Variants in SELENOI observed in about 807,000 individuals in gnomAD.
SELENOI encodes the protein selenoprotein I.
Under a neutral mutation model 50.7 loss-of-function variants are expected in SELENOI, and 24 were observed. The ratio of observed to expected loss-of-function variants is 0.47; its 90% confidence interval spans 0.34 to 0.67. The LOEUF (loss-of-function observed/expected upper bound fraction) is 0.67. Ranked by LOEUF, SELENOI falls within the 30% of genes least tolerant of loss-of-function variation. The pLI is 0.01. For synonymous variants in SELENOI, 155 were observed against 170.2 expected (o/e 0.91, Z 0.70); for missense variants, 352 against 461.4 (o/e 0.76, Z 2.17).
Position 26,392,832 on chromosome 2 carries a change from T to A in SELENOI, c.*3729T>A, listed in dbSNP as rs189017590. 1.3e-5 allele frequency: 2 copies of A among 152,348 alleles called. No individual in the cohort carries two copies. Among genetic ancestry groups the A allele is most frequent in the African/African-American group, 4.8e-5 (2 of 41,582 alleles). 9.4% of individuals were successfully genotyped at this position (152,348 alleles called of 1,614,324 possible). ...TTTGTGAAGTCAGACCAGAATTTTC[T>A]TTGTCCCATGAGGTGTCTTTGTAAG... On this transcript the variant is annotated 3_prime_UTR_variant, in exon 10 of 10. Coordinates refer to ENST00000260585, the MANE Select transcript of SELENOI (RefSeq NM_033505.4).
At chr2:26,387,314 C>T (rs1234658816) in intron 9 of SELENOI, among the ~76,000 whole-genome samples, 2 of 152,018 alleles carry the variant, frequency 1.3e-5, no homozygotes, top group East Asian at 3.8e-4. Flanking sequence ...TGCAATATTC[C>T]ACCAAGGAGA....
chr2:26,372,353 C>T (rs932179160), intron 4 of SELENOI, among the ~76,000 whole-genome samples: 8 of 152,362 alleles, frequency 5.3e-5, no homozygotes, highest in Admixed American at 5.2e-4. Context: ...TCAGGGGATC[C>T]TCCTGCCTTG....
intron 6 of SELENOI, among the ~76,000 whole-genome samples, chr2:26,378,148 T>A (rs937403041): frequency 6.6e-6 from 1 of 152,194 alleles, no homozygotes; most frequent in African/African-American, 2.4e-5. Flanking sequence ...AAGTCGATAC[T>A]GAGATTTTGG....
In SELENOI at chr2:26,364,307, T is replaced by G; in HGVS notation, c.63T>G (p.Ser21Arg). 1.3e-6 allele frequency: 2 copies of G among 1,552,194 alleles called. No homozygotes were observed. The highest frequency in any genetic ancestry group is 1.7e-6 in the Non-Finnish European group (2 of 1,143,684). Residue 21 changes from serine (S) to arginine (R), a missense_variant, in exon 2 of 10, where the codon AGT (serine) becomes AGG (arginine). Transcript: ENST00000260585. ...TTTCTTTCATTTCTTAACAGTACAG[T>G]GCTGTGGATACCAATCCACTTTCTC... is the stretch of plus-strand genomic sequence containing the variant. ...QLAGFDKYKY[S>R]AVDTNPLSLY... is the part of the protein sequence containing the mutation.
At chr2:26,378,415 T>A (rs1677613694) in intron 6 of SELENOI, among the ~76,000 whole-genome samples, 1 of 152,230 alleles carries the variant, frequency 6.6e-6, no homozygotes, top group African/African-American at 2.4e-5. Context: ...CTGTGGGGTC[T>A]CCGATTTGCT....
intron 6 of SELENOI, among the ~76,000 whole-genome samples, chr2:26,375,408 A>G (rs1357180266): frequency 6.6e-6 from 1 of 152,228 alleles, no homozygotes; most frequent in Non-Finnish European, 1.5e-5. Context: ...TAAAGTGACT[A>G]TTCAAATTAA....
chr2:26,348,215 T>G (rs1676852430), intron 1 of SELENOI, among the ~76,000 whole-genome samples: 1 of 152,246 alleles, frequency 6.6e-6, no homozygotes, highest in African/African-American at 2.4e-5. Flanking sequence ...TGTCTTCAGA[T>G]AGTAAGCGCT....
intron 9 of SELENOI, among the ~76,000 whole-genome samples, chr2:26,388,290 T>TACCAA (rs1262897677): frequency 6.6e-6 from 1 of 152,202 alleles, no homozygotes; most frequent in Non-Finnish European, 1.5e-5. Context: ...GCTACATACA[T>TACCAA]ACCAAACCAA....
intron 4 of SELENOI, among the ~76,000 whole-genome samples, chr2:26,370,330 A>C (rs2147953069): frequency 6.6e-6 from 1 of 151,648 alleles, no homozygotes; most frequent in Admixed American, 6.6e-5. Flanking sequence ...CTATTCCACA[A>C]AGCCGCCATT....
At position 26,364,510 on chromosome 2, in the gene SELENOI, A is replaced by G. The variant is rs1159884618; in HGVS notation, c.126+140A>G. On this transcript the variant is annotated intron_variant, in intron 2 of 9. Transcript: ENST00000260585. ...ACCCTTCCCCAATCACAATACCCCAAATCACATACCTTTTGATTTATCTTA... is the reference window on the plus strand; with the variant it reads ...ACCCTTCCCCAATCACAATACCCCAGATCACATACCTTTTGATTTATCTTA... The G allele has an allele frequency of 1.1e-5, 7 of 612,990 alleles. No individual in the cohort carries two copies. In the East Asian group the frequency reaches 2.0e-4, roughly 17 times the overall value. 38.0% of individuals were successfully genotyped at this position (612,990 alleles called of 1,614,324 possible).
At position 26,386,429 on chromosome 2, in the gene SELENOI, G is replaced by A. The variant is rs772515730; in HGVS notation, c.988G>A (p.Val330Ile). The A allele has an allele frequency of 6.2e-6, 10 of 1,613,702 alleles. No individual in the cohort carries two copies. In the South Asian group the frequency reaches 1.1e-4, roughly 18 times the overall value. ...TTGGTTGCTGGTTCCTCTCTTCTTG[G>A]TTGTCTTAGTGGTAAACCTAGGAGT... ...LNWLLVPLFL[V>I]VLVVNLGVAS... Residue 330 changes from valine (V) to isoleucine (I), a missense_variant, in exon 9 of 10, where the codon GTT becomes ATT. Physicochemically the swap from Val to Ile is conservative, Grantham distance 29. Transcript: ENST00000260585.
chr2:26,354,313 G>A lies in SELENOI; in HGVS notation c.57+8024G>A, dbSNP rs75452128. ...TCAGTCTGGAGTCCATGTTCTTCCTGCTATTCTGCCTCTCAAAACTAAGAG... is the reference window on the plus strand; with the variant it reads ...TCAGTCTGGAGTCCATGTTCTTCCTACTATTCTGCCTCTCAAAACTAAGAG... On this transcript the variant is annotated intron_variant, in intron 1 of 9. Coordinates refer to ENST00000260585, the MANE Select transcript of SELENOI (RefSeq NM_033505.4). Among the ~76,000 whole-genome samples, 1,465 of 152,214 alleles carry A rather than the reference G, an allele frequency of 9.6e-3. 29 individuals carry two copies. The highest frequency in any genetic ancestry group is 0.033 in the African/African-American group (1,383 of 41,514).
At chr2:26,359,298 T>A (rs1677127322) in intron 1 of SELENOI, among the ~76,000 whole-genome samples, 1 of 152,018 alleles carries the variant, frequency 6.6e-6, no homozygotes, top group Admixed American at 6.6e-5. Context: ...ATGAAAAGAT[T>A]TAGGTGTGAC....
At position 26,389,772 on chromosome 2, in the gene SELENOI, A is replaced by G. The variant is rs1379606485; in HGVS notation, c.*669A>G. 1.3e-5 allele frequency: 2 copies of G among 152,388 alleles called. No homozygotes were observed. The highest frequency in any genetic ancestry group is 2.1e-4 in the South Asian group (1 of 4,824). The allele number at this position is 152,388 out of a possible 1,614,324, so 9.4% of individuals were successfully genotyped here. A position where few individuals can be genotyped will look rare whatever the true frequency, so the allele number is the denominator to read the frequency against. ...GTTGAGAATTTGAGAATGGGTTGTA[A>G]TTATCGCTCACCCATTGGGATGGTT... On this transcript the variant is annotated 3_prime_UTR_variant, in exon 10 of 10. Coordinates refer to ENST00000260585, the MANE Select transcript of SELENOI (RefSeq NM_033505.4).
At chr2:26,381,582 A>G (rs776861512) in intron 6 of SELENOI, among the ~76,000 whole-genome samples, 1 of 152,146 alleles carries the variant, frequency 6.6e-6, no homozygotes. Flanking sequence ...CCTATTTCCA[A>G]CACCTCAGAG....
At chr2:26,375,325 T>A (rs927315985) in intron 6 of SELENOI, among the ~76,000 whole-genome samples, 177 bp downstream of exon 6, 2 of 152,154 alleles carry the variant, frequency 1.3e-5, no homozygotes, top group African/African-American at 2.4e-5. Context: ...TTTCCCTGTT[T>A]TTGGGGTTTT....
chr2:26,349,569 G>A (rs1044010414), intron 1 of SELENOI, among the ~76,000 whole-genome samples: 1 of 151,862 alleles, frequency 6.6e-6, no homozygotes, highest in Non-Finnish European at 1.5e-5. Context: ...GCCTCCCAAA[G>A]TGTTGGGATT....
chr2:26,370,113 G>A (rs926376552), intron 4 of SELENOI, among the ~76,000 whole-genome samples: 8 of 151,178 alleles, frequency 5.3e-5, no homozygotes, highest in African/African-American at 1.2e-4. Context: ...ATCTTGCACC[G>A]CCCTTAATCC....
Position 26,373,358 on chromosome 2 carries a change from T to C in SELENOI, c.311-9T>C. The C allele has an allele frequency of 6.2e-7, 1 of 1,602,344 alleles. No homozygotes were observed. The highest frequency in any genetic ancestry group is 8.5e-7 in the Non-Finnish European group (1 of 1,172,804). On this transcript the variant is annotated splice_polypyrimidine_tract_variant and intron_variant, in intron 4 of 9. Transcript: ENST00000260585. The stretch of plus-strand genomic sequence containing the variant: ...GTTGAACTTTTCCTGTGGTTTGTTT[T>C]TGTTGCAGATGGTGTGGACGGAAAG...
Sources: gnomAD v4.1 joint callset for allele counts (sites outside exome capture counted in the v4.1 genomes callset) on GRCh38, gnomAD v4.1.1 for gene constraint, MANE v1.5 for transcripts, NCBI Gene and HGNC (gene_info 2026-07-23, HGNC 2026-07-21) for gene names.